GALNT17: variants seen among roughly 807,000 people sequenced by gnomAD.
GALNT17 encodes polypeptide N-acetylgalactosaminyltransferase 17, also known as UDP-GalNAc:polypeptide N-acetylgalactosaminyltransferase-like 3.
A neutral mutation model predicts 63.7 loss-of-function variants in GALNT17; 29 were observed. The observed-to-expected ratio is 0.46, with a 90% CI of 0.34 to 0.62. The LOEUF is 0.62. GALNT17 is among the 20% of genes least tolerant of loss of function. The pLI is 0.01. For missense variants in GALNT17, 603 were observed against 799.6 expected (o/e 0.75, Z 2.97); for synonymous variants, 305 against 318.3 (o/e 0.96, Z 0.45).
rs113953090 is a variant in GALNT17, at chr7:71,277,631, C to T, written c.239-57919C>T. Among the ~76,000 whole-genome samples, 182 of 152,268 alleles carry T rather than the reference C, an allele frequency of 1.2e-3. 1 individual carries two copies. Among genetic ancestry groups the T allele is most frequent in the African/African-American group, 3.8e-3 (158 of 41,562 alleles). On this transcript the variant is annotated intron_variant, in intron 1 of 10. Coordinates refer to ENST00000333538, the MANE Select transcript of GALNT17 (RefSeq NM_022479.3). ...GGAGTGTTCTGAGACACTGCCACTGCGCAAACCTGGGCACTTTACAGACGT... is the reference window on the plus strand; with the variant it reads ...GGAGTGTTCTGAGACACTGCCACTGTGCAAACCTGGGCACTTTACAGACGT...
chr7:71,142,681 C>T (rs1306404276), intron 1 of GALNT17, among the ~76,000 whole-genome samples: 1 of 152,216 alleles, frequency 6.6e-6, no homozygotes, highest in Non-Finnish European at 1.5e-5. Flanking sequence ...TGGCTCACGC[C>T]TGTAATCCCA....
intron 2 of GALNT17, among the ~76,000 whole-genome samples, chr7:71,340,307 G>A (rs1791986444): frequency 6.6e-6 from 1 of 152,142 alleles, no homozygotes; most frequent in African/African-American, 2.4e-5. Context: ...TCATAGAGGT[G>A]GCCTTGGACA....
At chr7:71,146,702 C>G (rs115470716) in intron 1 of GALNT17, among the ~76,000 whole-genome samples, 38 of 152,286 alleles carry the variant, frequency 2.5e-4, no homozygotes, top group Non-Finnish European at 4.9e-4. Flanking sequence ...TGCTGCTCAC[C>G]GGTCTTTAGA....
chr7:71,604,249 G>A (rs117709691), intron 6 of GALNT17, among the ~76,000 whole-genome samples: 9 of 119,742 alleles, frequency 7.5e-5, no homozygotes, highest in East Asian at 2.0e-4. Context: ...TGCTAAGTGC[G>A]TATACGAGGT....
chr7:71,180,278 G>A (rs1021296296), intron 1 of GALNT17, among the ~76,000 whole-genome samples: 3 of 151,914 alleles, frequency 2.0e-5, no homozygotes, highest in Admixed American at 1.3e-4. Flanking sequence ...GGTGCATGCC[G>A]CCACACCTGG....
intron 5 of GALNT17, among the ~76,000 whole-genome samples, chr7:71,424,155 G>T (rs1786716285): frequency 6.6e-6 from 1 of 152,152 alleles, no homozygotes; most frequent in Non-Finnish European, 1.5e-5. Context: ...TATTAATAGT[G>T]TAAGGTTAAC....
At chr7:71,435,178 AT>A (rs1786936215) in intron 5 of GALNT17, among the ~76,000 whole-genome samples, 1 of 152,142 alleles carries the variant, frequency 6.6e-6, no homozygotes, top group African/African-American at 2.4e-5. Flanking sequence ...AATTTTTAAA[AT>A]TAGATGGATG....
At chr7:71,206,248 C>T (rs1789269695) in intron 1 of GALNT17, among the ~76,000 whole-genome samples, 1 of 151,786 alleles carries the variant, frequency 6.6e-6, no homozygotes, top group African/African-American at 2.4e-5. Flanking sequence ...TCTGTGTGTG[C>T]AGTCTGCTCA....
intron 5 of GALNT17, among the ~76,000 whole-genome samples, chr7:71,438,719 T>TCTCTATTCTA (rs1787011403): frequency 6.6e-6 from 1 of 152,152 alleles, no homozygotes; most frequent in Non-Finnish European, 1.5e-5. Context: ...TTAGAGCAAT[T>TCTCTATTCTA]CTCTATTCTA....
rs1791164983 is a variant in GALNT17, at chr7:71,677,236, T to C, written c.1430T>C (p.Val477Ala). The change falls in exon 9 of 11, where the codon GTC becomes GCC. Residue 477 changes from valine to alanine, a missense_variant. Val to Ala is a moderately conservative substitution (Grantham distance 64, BLOSUM62 0). Coordinates refer to ENST00000333538, the MANE Select transcript of GALNT17 (RefSeq NM_022479.3). ...GELRNNKAKD[V>A]CLDQGPLENH... ...CTTCGCAACAACAAGGCAAAAGACG[T>C]CTGCTTGGACCAGGGGCCGCTGGAG... The C allele has an allele frequency of 2.6e-5, 42 of 1,613,870 alleles. No individual in the cohort carries two copies. Among genetic ancestry groups the C allele is most frequent in the Non-Finnish European group, 3.5e-5 (41 of 1,179,960 alleles).
rs564958459 is a variant in GALNT17, at chr7:71,676,391, CT to C, written c.1405-810del. Among the ~76,000 whole-genome samples, 660 of 143,574 alleles carry C rather than the reference CT, an allele frequency of 4.6e-3. 21 individuals carry two copies. Among genetic ancestry groups the C allele is most frequent in the Admixed American group, 0.031 (443 of 14,258 alleles). The allele number at this position is 143,574 out of a possible 152,430, so 94.2% of individuals were successfully genotyped here. On this transcript the variant is annotated intron_variant, in intron 8 of 10. Coordinates refer to ENST00000333538, the MANE Select transcript of GALNT17 (RefSeq NM_022479.3). ...TAGTAAGCTTTTAGGTTTTTTTTTTCTTTTTTTTTTAGAAATAGGTCTTGCT... is the reference window on the plus strand; with the variant it reads ...TAGTAAGCTTTTAGGTTTTTTTTTTCTTTTTTTTTAGAAATAGGTCTTGCT...
At chr7:71,339,333 A>T (rs1791967461) in intron 2 of GALNT17, among the ~76,000 whole-genome samples, 4 of 152,210 alleles carry the variant, frequency 2.6e-5, no homozygotes, top group African/African-American at 9.6e-5. Context: ...ATGTGCAGTG[A>T]GGATCTGAGA....
At chr7:71,413,288 C>T (rs1418460847) in intron 3 of GALNT17, among the ~76,000 whole-genome samples, 4 of 152,214 alleles carry the variant, frequency 2.6e-5, no homozygotes, top group Admixed American at 2.6e-4. Context: ...AGCACTCTTC[C>T]TCCGTGACCA....
chr7:71,650,450 T>C (rs1327604040), intron 6 of GALNT17, among the ~76,000 whole-genome samples: 1 of 152,142 alleles, frequency 6.6e-6, no homozygotes, highest in Non-Finnish European at 1.5e-5. Context: ...GGTTTTGTCA[T>C]GTTGCTTAGG....
rs143291913 is a variant in GALNT17 at position 71,139,897 on chromosome 7, G to C, written c.238+6857G>C. Among the ~76,000 whole-genome samples the C allele has an allele frequency of 1.8e-3, 274 of 152,300 alleles. 1 individual carries two copies. The highest frequency in any genetic ancestry group is 6.4e-3 in the African/African-American group (265 of 41,568). ...AATCCCAGCTACTCAAGAGGTTGAG[G>C]CAAGATAATTTGCTTGAACCTGGAA... On this transcript the variant is annotated intron_variant, in intron 1 of 10. Coordinates refer to ENST00000333538, the MANE Select transcript of GALNT17 (RefSeq NM_022479.3).
chr7:71,350,208 C>G (rs1179133933), intron 2 of GALNT17, among the ~76,000 whole-genome samples: 1 of 152,142 alleles, frequency 6.6e-6, no homozygotes, highest in Non-Finnish European at 1.5e-5. Flanking sequence ...AAGCCATGCA[C>G]AGGTACTATG....
At chr7:71,283,146 C>T (rs903692001) in intron 1 of GALNT17, among the ~76,000 whole-genome samples, 5 of 99,152 alleles carry the variant, frequency 5.0e-5, no homozygotes, top group Admixed American at 1.9e-4. Flanking sequence ...ATCCTCCTGC[C>T]TCAGCCCCCC....
rs565169729 is a variant in GALNT17 at position 71,185,536 on chromosome 7, T to C, written c.238+52496T>C. Reference sequence around the variant, plus strand: ...TCGTTTCTTTTCTTTTTTTTTTTTTTTTTTGAGACGGAGTCTGGCTCTGTC... The same window carrying C: ...TCGTTTCTTTTCTTTTTTTTTTTTTCTTTTGAGACGGAGTCTGGCTCTGTC... On this transcript the variant is annotated intron_variant, in intron 1 of 10. Coordinates refer to ENST00000333538, the MANE Select transcript of GALNT17 (RefSeq NM_022479.3). Among the ~76,000 whole-genome samples the C allele has an allele frequency of 1.4e-4, 21 of 149,038 alleles. 1 individual carries two copies. In the South Asian group the frequency reaches 4.6e-3, roughly 32 times the overall value.
intron 1 of GALNT17, among the ~76,000 whole-genome samples, chr7:71,229,772 G>C (rs1184016613): frequency 6.6e-6 from 1 of 152,206 alleles, no homozygotes; most frequent in Non-Finnish European, 1.5e-5. Flanking sequence ...GAGAAGTCAT[G>C]GAATGGACCC....
Sources: gnomAD v4.1 joint callset for allele counts (sites outside exome capture counted in the v4.1 genomes callset) on GRCh38, gnomAD v4.1.1 for gene constraint, MANE v1.5 for transcripts, NCBI Gene and HGNC (gene_info 2026-07-23, HGNC 2026-07-21) for gene names.